The following ZNF180 variants were observed in gnomAD, a reference collection of about 807,000 sequenced individuals.
ZNF180 encodes the protein zinc finger protein 180 (HHZ168).
Under a neutral mutation model 11.8 loss-of-function variants are expected in ZNF180, and 11 were observed. That is an observed-to-expected ratio of 0.93 (90% CI 0.59 to 1.55). The LOEUF (loss-of-function observed/expected upper bound fraction) is 1.55, where lower values mean the gene tolerates loss of function less well. Ranked by LOEUF, ZNF180 falls within the 40% of genes most tolerant of loss-of-function variation. ZNF180 has a pLI of 0.00. For missense variants in ZNF180, 773 were observed against 781.7 expected, an observed-to-expected ratio of 0.99 and a Z score of 0.13; for synonymous variants, 287 against 257.7, an observed-to-expected ratio of 1.11 and a Z score of -1.09.
chr19:44,495,603 C>T lies in ZNF180; in HGVS notation c.51+1681G>A, dbSNP rs752339919. ...TGGACACCTGCTCACTGCACTTGGG[C>T]TCCAACTACCCACAATGAAGCACCC... is the stretch of plus-strand genomic sequence containing the variant. On this transcript the variant is annotated intron_variant, in intron 2 of 4. Transcript: ENST00000592529. The surrounding 1 kb of genome is among the most constrained non-coding windows in gnomAD (Gnocchi z 4.5). Among the ~76,000 whole-genome samples, 1 of 152,172 alleles carries T rather than the reference C, an allele frequency of 6.6e-6. No individual in the cohort carries two copies. Among genetic ancestry groups the T allele is most frequent in the Non-Finnish European group, 1.5e-5 (1 of 68,026 alleles).
intron 2 of ZNF180, among the ~76,000 whole-genome samples, chr19:44,488,409 C>T (rs1375306203): frequency 3.3e-5 from 5 of 152,158 alleles, no homozygotes; most frequent in Non-Finnish European, 7.3e-5. Context: ...CGATTGCAGG[C>T]GTGCGCCGCC....
rs763391202 is a variant in ZNF180, at chr19:44,476,364, A to C, written c.*38T>G. On this transcript the variant is annotated 3_prime_UTR_variant, in exon 5 of 5. Coordinates refer to ENST00000592529, the MANE Select transcript of ZNF180 (RefSeq NM_001278509.3). Reference sequence around the variant, plus strand: ...ACCTTAAAATAAATTTTTTAAAAGAATGAAATAAAAAGGAAGAAATCCCAG... The same window carrying C: ...ACCTTAAAATAAATTTTTTAAAAGACTGAAATAAAAAGGAAGAAATCCCAG... The C allele has an allele frequency of 6.6e-7, 1 of 1,510,730 alleles. No homozygotes were observed. The allele number at this position is 1,510,730 out of a possible 1,614,324, so 93.6% of individuals were successfully genotyped here. A position where few individuals can be genotyped will look rare whatever the true frequency, so the allele number is the denominator to read the frequency against.
Position 44,476,491 on chromosome 19 carries a change from T to C in ZNF180, c.1909A>G (p.Ile637Val). 6.2e-7 allele frequency: 1 copy of C among 1,614,154 alleles called. No homozygotes were observed. The highest frequency in any genetic ancestry group is 8.5e-7 in the Non-Finnish European group (1 of 1,180,000). Residue 637 changes from isoleucine to valine, a missense_variant, in exon 5 of 5, where the codon ATT (isoleucine) becomes GTT (valine). Coordinates refer to ENST00000592529, the MANE Select transcript of ZNF180 (RefSeq NM_001278509.3). ...THTGEKPFTC[I>V]QCGKAFINSY... ...TTAATGAAAGCTTTTCCACACTGAATACATGTAAAGGGTTTCTCTCCAGTA... is the reference window on the plus strand; with the variant it reads ...TTAATGAAAGCTTTTCCACACTGAACACATGTAAAGGGTTTCTCTCCAGTA...
At position 44,477,306 on chromosome 19, in the gene ZNF180, C is replaced by T. The variant is rs765744565; in HGVS notation, c.1094G>A (p.Arg365Gln). The change falls in exon 5 of 5, where the codon CGG becomes CAG. Residue 365 changes from arginine (R) to glutamine (Q), a missense_variant. Transcript: ENST00000592529. ...CTGATGGGAAACAAGGTGCGAGCTC[C>T]GGCTGAAGGATTTTCCACATTCACT... The part of the protein sequence containing the change: ...ECSECGKSFS[R>Q]SSHLVSHQRT... 53 of 1,612,314 alleles carry T rather than the reference C, an allele frequency of 3.3e-5. No homozygotes were observed. The highest frequency in any genetic ancestry group is 6.7e-5 in the African/African-American group (5 of 74,786).
chr19:44,482,037 G>A (rs533196393), intron 3 of ZNF180, among the ~76,000 whole-genome samples: 3 of 152,204 alleles, frequency 2.0e-5, no homozygotes, highest in Admixed American at 6.5e-5. Context: ...TGGGTAGGGC[G>A]GCTCATGCCT....
At chr19:44,500,185 C>G (rs945060586) in intron 1 of ZNF180, 90 bp downstream of exon 1, 1 of 1,614,072 alleles carries the variant, frequency 6.2e-7, no homozygotes. Flanking sequence ...CCAGGTCTCC[C>G]CGCTACACTC....
chr19:44,497,216 G>C, intron 2 of ZNF180, 68 bp downstream of exon 2: 4 of 1,413,044 alleles, frequency 2.8e-6, no homozygotes, highest in Non-Finnish European at 3.7e-6. Flanking sequence ...GAGTCAGGGA[G>C]GAGCCACAGC....
chr19:44,498,792 G>A (rs1433926041), intron 1 of ZNF180, among the ~76,000 whole-genome samples: 2 of 152,068 alleles, frequency 1.3e-5, no homozygotes, highest in Non-Finnish European at 2.9e-5. Context: ...GCCAGCACAC[G>A]TGCAGAGTGT....
Position 44,476,281 on chromosome 19 carries a change from G to A in ZNF180, c.*121C>T, listed in dbSNP as rs1441792143. On this transcript the variant is annotated 3_prime_UTR_variant, in exon 5 of 5. Coordinates refer to ENST00000592529, the MANE Select transcript of ZNF180 (RefSeq NM_001278509.3). ...AATTTGAGACACACAATTAACAGAG[G>A]GCTGGAAGTTTTCCCACATATATTG... 3 of 958,258 alleles carry A rather than the reference G, an allele frequency of 3.1e-6. No individual in the cohort carries two copies. Among genetic ancestry groups the A allele is most frequent in the African/African-American group, 3.3e-5 (2 of 60,144 alleles). The allele number at this position is 958,258 out of a possible 1,614,324, so 59.4% of individuals were successfully genotyped here.
Position 44,491,556 on chromosome 19 carries a change from C to T in ZNF180, c.51+5728G>A, listed in dbSNP as rs926440934. On this transcript the variant is annotated intron_variant, in intron 2 of 4. Coordinates refer to ENST00000592529, the MANE Select transcript of ZNF180 (RefSeq NM_001278509.3). ...ATAGAGTACTTCAACACAGAATTTC[C>T]ATCTCACAAAATCATCTAAACTTTT... is the stretch of plus-strand genomic sequence containing the variant. 6.7e-5 allele frequency among the ~76,000 whole-genome samples: 10 copies of T among 149,858 alleles called. No individual in the cohort carries two copies. In the Admixed American group the frequency reaches 6.7e-4, roughly 10 times the overall value.
At chr19:44,493,218 T>C (rs1970493147) in intron 2 of ZNF180, among the ~76,000 whole-genome samples, 1 of 152,208 alleles carries the variant, frequency 6.6e-6, no homozygotes, top group Non-Finnish European at 1.5e-5. Context: ...TGACAGTGGA[T>C]GGGTGAGATT....
At chr19:44,480,175 T>C (rs976006514) in intron 3 of ZNF180, among the ~76,000 whole-genome samples, 1 of 152,182 alleles carries the variant, frequency 6.6e-6, no homozygotes, top group Non-Finnish European at 1.5e-5. Flanking sequence ...GGCACAATCA[T>C]GGCTCACTGC....
intron 2 of ZNF180, among the ~76,000 whole-genome samples, chr19:44,487,160 T>G (rs544546111): frequency 2.0e-5 from 3 of 152,316 alleles, no homozygotes; most frequent in African/African-American, 7.2e-5. Flanking sequence ...GGTCAAGGTA[T>G]AAGTGTGTCA....
rs372852000 is a variant in ZNF180 at position 44,478,075 on chromosome 19, C to T, written c.325G>A (p.Gly109Arg). The T allele has an allele frequency of 1.1e-5, 18 of 1,607,588 alleles. No homozygotes were observed. The highest frequency in any genetic ancestry group is 3.3e-5 in the South Asian group (3 of 89,680). ...CTTGTAAACCTTTCTATCTTCACTCCATTAGCTGGTTCTTCATCAAAAATC... is the reference window on the plus strand; with the variant it reads ...CTTGTAAACCTTTCTATCTTCACTCTATTAGCTGGTTCTTCATCAAAAATC... ...QRIFDEEPAN[G>R]VKIERFTRDD... The change falls in exon 5 of 5, where the codon GGA becomes AGA. Residue 109 changes from glycine (G) to arginine (R), a missense_variant. Physicochemically the swap from Gly to Arg is moderately radical, Grantham distance 125 (BLOSUM62 -2). Coordinates refer to ENST00000592529, the MANE Select transcript of ZNF180 (RefSeq NM_001278509.3).
intron 2 of ZNF180, among the ~76,000 whole-genome samples, chr19:44,489,685 C>CTATG (rs1252942967): frequency 7.2e-6 from 1 of 138,342 alleles, no homozygotes; most frequent in Non-Finnish European, 1.6e-5. Flanking sequence ...CACTATTGTC[C>CTATG]TATGACCCTG....
At position 44,475,265 on chromosome 19, in the gene ZNF180, T is replaced by C. The variant is rs1042652544; in HGVS notation, c.*1137A>G. ...TCAGCACTGAGCCAGGGAAGCACCC[T>C]TCTATTCAGAGGACTCTCACATCAG... On this transcript the variant is annotated 3_prime_UTR_variant, in exon 5 of 5. Transcript: ENST00000592529. 6.6e-6 allele frequency: 1 copy of C among 152,248 alleles called. No individual in the cohort carries two copies. The highest frequency in any genetic ancestry group is 2.4e-5 in the African/African-American group (1 of 41,446). 9.4% of individuals were successfully genotyped at this position (152,248 alleles called of 1,614,324 possible).
chr19:44,478,524 A>C (rs960017833), intron 4 of ZNF180, among the ~76,000 whole-genome samples: 4 of 152,256 alleles, frequency 2.6e-5, no homozygotes, highest in Admixed American at 6.5e-5. Context: ...ATGTTCACTA[A>C]GAGATTAGTG....
rs528805813 is a variant in ZNF180, at chr19:44,498,477, C to G, written c.-43-1100G>C. Among the ~76,000 whole-genome samples, 38 of 152,306 alleles carry G rather than the reference C, an allele frequency of 2.5e-4. No homozygotes were observed. The South Asian group carries it at 7.9e-3, about 32-fold the overall frequency. On this transcript the variant is annotated intron_variant, in intron 1 of 4. Coordinates refer to ENST00000592529, the MANE Select transcript of ZNF180 (RefSeq NM_001278509.3). ...CTTACTCCACAGCCCCCTGCTTGAGCCACACCTGCCCAGATTCTGACCAAA... is the reference window on the plus strand; with the variant it reads ...CTTACTCCACAGCCCCCTGCTTGAGGCACACCTGCCCAGATTCTGACCAAA...
chr19:44,493,081 C>T (rs4803713), intron 2 of ZNF180, among the ~76,000 whole-genome samples: 46,528 of 152,078 alleles, frequency 0.31, 7,915 homozygotes, highest in African/African-American at 0.44. Context: ...TTAGTCCTCA[C>T]GCACAAGAAA....
Sources: allele counts gnomAD v4.1 joint callset (sites outside exome capture counted in the v4.1 genomes callset), GRCh38; gene constraint gnomAD v4.1.1; non-coding constraint Gnocchi (gnomAD v3.1); transcripts MANE v1.5; gene names NCBI Gene and HGNC (gene_info 2026-07-23, HGNC 2026-07-21).